The following SPMIP11 variants were observed in gnomAD, a reference collection of about 807,000 sequenced individuals.
SPMIP11 encodes the protein sperm microtubule inner protein 11, also known as long intergenic non-protein coding RNA 935.
At chr12:48,768,667 T>A in the SPMIP11 span, 1 of 1,614,096 alleles carries the variant, frequency 6.2e-7, no homozygotes, top group Non-Finnish European at 8.5e-7. Flanking sequence ...CCCTCGACAC[T>A]CCAGCTGGTA....
chr12:48,745,996 C>T, the SPMIP11 span, among the ~76,000 whole-genome samples: 1 of 152,212 alleles, frequency 6.6e-6, no homozygotes, highest in African/African-American at 2.4e-5. Flanking sequence ...TCTAATCCAA[C>T]ATCAATTATT....
chr12:48,738,409 T>C, the SPMIP11 span, among the ~76,000 whole-genome samples: 64 of 152,258 alleles, frequency 4.2e-4, no homozygotes, highest in African/African-American at 1.3e-3. Context: ...GAAGGAGCCA[T>C]TTCCAGGATA....
the SPMIP11 span, chr12:48,768,958 C>T: frequency 2.9e-5 from 46 of 1,613,720 alleles, no homozygotes; most frequent in East Asian, 3.3e-4. Context: ...CGGGGACCCC[C>T]GTGCTGTCCA....
the SPMIP11 span, among the ~76,000 whole-genome samples, chr12:48,755,875 C>CTTTTTT: frequency 9.8e-6 from 1 of 101,626 alleles, no homozygotes; most frequent in Non-Finnish European, 2.0e-5. Context: ...CAGTTTCTTT[C>CTTTTTT]TTTTTTTTTT....
At chr12:48,771,004 A>T in the SPMIP11 span, 3 of 1,603,516 alleles carry the variant, frequency 1.9e-6, no homozygotes, top group African/African-American at 4.0e-5. The surrounding 1 kb of genome is among the most constrained non-coding windows in gnomAD (Gnocchi z 4.3). Flanking sequence ...CTGTCAAGGC[A>T]AAGACCCCAG....
At chr12:48,768,425 T>C in the SPMIP11 span, 2 of 988,590 alleles carry the variant, frequency 2.0e-6, no homozygotes, top group Non-Finnish European at 1.5e-6. Flanking sequence ...GTTTTCCAGC[T>C]TGAGGGCAGA....
the SPMIP11 span, chr12:48,770,814 T>A: frequency 6.2e-7 from 1 of 1,614,242 alleles, no homozygotes; most frequent in Non-Finnish European, 8.5e-7. Context: ...ATGTGCTTCA[T>A]CTGCTCCATG....
the SPMIP11 span, among the ~76,000 whole-genome samples, chr12:48,738,164 C>A: frequency 2.0e-5 from 3 of 152,182 alleles, no homozygotes; most frequent in East Asian, 1.9e-4. Flanking sequence ...ATTATTTATT[C>A]TTTGGAAGGC....
At chr12:48,748,510 A>C in the SPMIP11 span, among the ~76,000 whole-genome samples, 2 of 151,824 alleles carry the variant, frequency 1.3e-5, no homozygotes, top group African/African-American at 4.8e-5. Context: ...AAAAAAAAAA[A>C]AGCATGCCAA....
chr12:48,745,498 T>G, the SPMIP11 span, among the ~76,000 whole-genome samples: 1 of 151,890 alleles, frequency 6.6e-6, no homozygotes, highest in East Asian at 1.9e-4. Flanking sequence ...CCCAGCTACT[T>G]GGGAGGCTGA....
the SPMIP11 span, among the ~76,000 whole-genome samples, chr12:48,741,258 T>G: frequency 6.6e-6 from 1 of 151,618 alleles, no homozygotes; most frequent in South Asian, 2.1e-4. Flanking sequence ...TCCATGTTGG[T>G]CAGGCTGGTC....
At chr12:48,734,646 A>C in the SPMIP11 span, among the ~76,000 whole-genome samples, 1 of 152,054 alleles carries the variant, frequency 6.6e-6, no homozygotes, top group Non-Finnish European at 1.5e-5. Flanking sequence ...GTGATTGTTA[A>C]TTTATATGGA....
At chr12:48,761,221 C>T in the SPMIP11 span, among the ~76,000 whole-genome samples, 12 of 151,834 alleles carry the variant, frequency 7.9e-5, no homozygotes, top group Non-Finnish European at 1.3e-4. Flanking sequence ...ACGAGGCGGG[C>T]GGATCACTTG....
chr12:48,766,688 G>C, the SPMIP11 span: 1 of 152,644 alleles, frequency 6.6e-6, no homozygotes, highest in South Asian at 2.1e-4. Context: ...CAGAAACCAG[G>C]CCTCCACAGG....
At chr12:48,754,052 A>G in the SPMIP11 span, among the ~76,000 whole-genome samples, 3 of 152,138 alleles carry the variant, frequency 2.0e-5, no homozygotes, top group African/African-American at 7.2e-5. Flanking sequence ...TGAATTGGCC[A>G]GAGCCACTGA....
the SPMIP11 span, among the ~76,000 whole-genome samples, chr12:48,742,277 C>CTTTTTTTTT: frequency 6.3e-4 from 55 of 87,192 alleles, 4 homozygotes; most frequent in Non-Finnish European, 8.3e-4. Context: ...CTTTTCTTTT[C>CTTTTTTTTT]CTTTTTTTTT....
the SPMIP11 span, among the ~76,000 whole-genome samples, chr12:48,760,288 C>G: frequency 6.6e-6 from 1 of 152,046 alleles, no homozygotes; most frequent in East Asian, 1.9e-4. Flanking sequence ...ATCTTCTTGC[C>G]TCAGTCTCCT....
the SPMIP11 span, among the ~76,000 whole-genome samples, chr12:48,756,772 T>TTTC: frequency 7.6e-3 from 784 of 102,708 alleles, 47 homozygotes; most frequent in Non-Finnish European, 0.012. Context: ...TTTTTTTTTC[T>TTTC]TTTTTTCTTT....
At chr12:48,761,743 T>C in the SPMIP11 span, among the ~76,000 whole-genome samples, 2 of 146,442 alleles carry the variant, frequency 1.4e-5, no homozygotes, top group Middle Eastern at 3.4e-3. Flanking sequence ...TTTTTTTTTT[T>C]AGATAGGGTC....
Sources: allele counts gnomAD v4.1 joint callset (sites outside exome capture counted in the v4.1 genomes callset), GRCh38; gene constraint gnomAD v4.1.1; non-coding constraint Gnocchi (gnomAD v3.1); transcripts MANE v1.5; gene names NCBI Gene and HGNC (gene_info 2026-07-23, HGNC 2026-07-21).